GPM6A: variants seen among roughly 807,000 people sequenced by gnomAD.
GPM6A encodes neuronal membrane glycoprotein M6-a.
A neutral mutation model predicts 32.1 loss-of-function variants in GPM6A; 7 were observed. That is an observed-to-expected ratio of 0.22 (90% confidence interval 0.12 to 0.41). The LOEUF (loss-of-function observed/expected upper bound fraction) is 0.41, where lower values mean the gene tolerates loss of function less well. Ranked by LOEUF, GPM6A falls within the 10% of genes least tolerant of loss-of-function variation. The pLI, the probability that GPM6A is intolerant of heterozygous loss-of-function variation, is 1.00. For missense variants in GPM6A, 235 were observed against 347.2 expected (o/e 0.68, Z 2.57); for synonymous variants, 130 against 123.4 (o/e 1.05, Z -0.35).
chr4:175,786,297 T>C (rs889308377), intron 1 of GPM6A, among the ~76,000 whole-genome samples: 2 of 72,874 alleles, frequency 2.7e-5, no homozygotes, highest in Admixed American at 3.1e-4. Flanking sequence ...TTTTGTTTTG[T>C]TTTTTTTTTT....
At chr4:175,999,933 A>AAGAGG (rs577884354) in intron 1 of GPM6A, among the ~76,000 whole-genome samples, 133 of 152,298 alleles carry the variant, frequency 8.7e-4, no homozygotes, top group African/African-American at 2.9e-3. Flanking sequence ...AATTAAAAGA[A>AAGAGG]AGAGGAGAGA....
At chr4:175,899,914 T>C (rs757611282) in intron 1 of GPM6A, among the ~76,000 whole-genome samples, 2 of 151,980 alleles carry the variant, frequency 1.3e-5, no homozygotes, top group African/African-American at 2.4e-5. Flanking sequence ...AAGGATCTAA[T>C]CAACAAAGTG....
At chr4:175,929,318 C>A (rs1174411432) in intron 1 of GPM6A, among the ~76,000 whole-genome samples, 1 of 152,190 alleles carries the variant, frequency 6.6e-6, no homozygotes, top group Non-Finnish European at 1.5e-5. Flanking sequence ...AAAACTAAGC[C>A]TCATAATGAA....
chr4:175,662,093 A>G (rs72702641), intron 3 of GPM6A, among the ~76,000 whole-genome samples: 9,659 of 152,198 alleles, frequency 0.063, 319 homozygotes, highest in South Asian at 0.12. Flanking sequence ...AAACAAAACA[A>G]TGACAGGCAT....
chr4:175,918,224 C>A (rs1373577479), intron 1 of GPM6A, among the ~76,000 whole-genome samples: 3 of 151,888 alleles, frequency 2.0e-5, no homozygotes, highest in Non-Finnish European at 4.4e-5. Context: ...TATGTGCAAG[C>A]TATGAATGTT....
At chr4:175,782,788 G>A (rs1733662001) in intron 1 of GPM6A, among the ~76,000 whole-genome samples, 2 of 151,940 alleles carry the variant, frequency 1.3e-5, no homozygotes, top group South Asian at 4.2e-4. Context: ...AAATTAAGTA[G>A]TGAAAATAAT....
intron 1 of GPM6A, among the ~76,000 whole-genome samples, chr4:175,860,115 A>T (rs1265822626): frequency 6.6e-6 from 1 of 151,970 alleles, no homozygotes; most frequent in Non-Finnish European, 1.5e-5. Context: ...AAAATAAATA[A>T]ACTAAGCTGT....
At chr4:175,842,410 C>T (rs995334052) in intron 1 of GPM6A, among the ~76,000 whole-genome samples, 2 of 152,062 alleles carry the variant, frequency 1.3e-5, no homozygotes, top group African/African-American at 2.4e-5. Context: ...ATTTGATGCT[C>T]ACACACATTA....
At chr4:175,973,551 C>T (rs76818411) in intron 1 of GPM6A, among the ~76,000 whole-genome samples, 5,373 of 152,270 alleles carry the variant, frequency 0.035, 201 homozygotes, top group African/African-American at 0.1. Flanking sequence ...GATCTTGGGA[C>T]AGGATGAATA....
intron 1 of GPM6A, among the ~76,000 whole-genome samples, chr4:175,899,137 C>G (rs1026368044): frequency 2.0e-5 from 3 of 152,072 alleles, no homozygotes; most frequent in Non-Finnish European, 4.4e-5. Context: ...TCTTCCTCTC[C>G]CCTCTATTGC....
intron 1 of GPM6A, among the ~76,000 whole-genome samples, chr4:175,993,347 C>T (rs956936648): frequency 6.6e-5 from 10 of 152,074 alleles, no homozygotes; most frequent in African/African-American, 2.4e-4. Context: ...GCACTGAATA[C>T]TGTAGGTCAC....
At chr4:175,727,868 G>A (rs879308278) in intron 1 of GPM6A, among the ~76,000 whole-genome samples, 3 of 152,062 alleles carry the variant, frequency 2.0e-5, no homozygotes, top group Admixed American at 2.0e-4. Flanking sequence ...GTTGGGCATG[G>A]TGGCGCATGC....
chr4:175,972,422 G>A (rs1019658176), intron 1 of GPM6A, among the ~76,000 whole-genome samples: 2 of 152,198 alleles, frequency 1.3e-5, no homozygotes, highest in South Asian at 4.1e-4. Flanking sequence ...TCCTGAACAC[G>A]GTATTTTAAA....
chr4:175,651,787 C>A (rs371534832), intron 4 of GPM6A, 47 bp downstream of exon 4: 37 of 1,492,174 alleles, frequency 2.5e-5, no homozygotes, highest in Non-Finnish European at 3.3e-5. Flanking sequence ...GTAGGTAACA[C>A]AATATGGGAT....
rs146632828 is a variant in GPM6A, at chr4:175,960,584, G to A, written c.-23+41725C>T. Among the ~76,000 whole-genome samples the A allele has an allele frequency of 2.3e-4, 35 of 152,150 alleles. 1 individual carries two copies. The highest frequency in any genetic ancestry group is 2.1e-3 in the East Asian group (11 of 5,168). On this transcript the variant is annotated intron_variant, in intron 1 of 7. Transcript: ENST00000280187. ...ATTAGCTATTTATCCTGATGTCTCC[G>A]CCATCCCCCAACCCTGTGTGTGTTG...
intron 3 of GPM6A, among the ~76,000 whole-genome samples, chr4:175,656,682 T>C (rs1742104153): frequency 6.6e-6 from 1 of 152,156 alleles, no homozygotes; most frequent in South Asian, 2.1e-4. Context: ...AAAATGTAAT[T>C]GGTTTTTCAT....
intron 1 of GPM6A, among the ~76,000 whole-genome samples, chr4:175,927,118 T>C (rs1203843639): frequency 2.6e-5 from 4 of 152,238 alleles, no homozygotes; most frequent in Admixed American, 6.5e-5. Flanking sequence ...ATGTGGAAAA[T>C]GTTTTTACTC....
At chr4:175,782,676 C>T (rs13128655) in intron 1 of GPM6A, among the ~76,000 whole-genome samples, 65,370 of 151,844 alleles carry the variant, frequency 0.43, 15,788 homozygotes, top group East Asian at 0.88. Flanking sequence ...TAAGTTGTTA[C>T]TACCTTATAC....
At chr4:175,712,234 G>A (rs1745593697) in intron 1 of GPM6A, among the ~76,000 whole-genome samples, 3 of 152,198 alleles carry the variant, frequency 2.0e-5, no homozygotes, top group Admixed American at 2.0e-4. Flanking sequence ...GCATGAGTCT[G>A]TAGATTGGTA....
Sources: allele counts gnomAD v4.1 joint callset (sites outside exome capture counted in the v4.1 genomes callset), GRCh38; gene constraint gnomAD v4.1.1; transcripts MANE v1.5; gene names NCBI Gene and HGNC (gene_info 2026-07-23, HGNC 2026-07-21).